The following TBC1D8 variants were observed in gnomAD, a reference collection of about 807,000 sequenced individuals.
The protein encoded by TBC1D8 is TBC1 domain family member 8, also known as BUB2-like protein 1.
Under a neutral mutation model 118.8 loss-of-function variants are expected in TBC1D8, and 65 were observed. The ratio of observed to expected loss-of-function variants is 0.55; its 90% CI spans 0.45 to 0.67. TBC1D8 has a LOEUF of 0.67. TBC1D8 is among the 30% of genes least tolerant of loss of function. The pLI, the probability that TBC1D8 is intolerant of heterozygous loss-of-function variation, is 0.00. For missense variants in TBC1D8, 1,376 were observed against 1,471.2 expected, an observed-to-expected ratio of 0.94 and a Z score of 1.06; for synonymous variants, 566 against 595.8, an observed-to-expected ratio of 0.95 and a Z score of 0.73.
chr2:101,146,451 A>T (rs1679320870), intron 1 of TBC1D8, among the ~76,000 whole-genome samples: 1 of 152,244 alleles, frequency 6.6e-6, no homozygotes, highest in Non-Finnish European at 1.5e-5. Context: ...TTAAATTGTC[A>T]GCCAATTTAA....
chr2:101,063,361 C>T (rs1682858501), intron 2 of TBC1D8, among the ~76,000 whole-genome samples: 1 of 152,204 alleles, frequency 6.6e-6, no homozygotes, highest in African/African-American at 2.4e-5. Context: ...AACAAACCCA[C>T]ACCTTAAAAG....
At chr2:101,121,290 T>C (rs1678089473) in intron 1 of TBC1D8, among the ~76,000 whole-genome samples, 1 of 152,236 alleles carries the variant, frequency 6.6e-6, no homozygotes, top group African/African-American at 2.4e-5. Flanking sequence ...CCTCCCATCA[T>C]TAACTAACAC....
rs118180154 is a variant in TBC1D8 at position 101,097,631 on chromosome 2, T to C, written c.128-7267A>G. On this transcript the variant is annotated intron_variant, in intron 1 of 19. Transcript: ENST00000409318. ...CTGTAATCCCAGCACTTTGGGAATA[T>C]CACTTGAGGCCAAGAATTTGAGACC... is the stretch of plus-strand genomic sequence containing the variant. Among the ~76,000 whole-genome samples the C allele has an allele frequency of 3.9e-4, 59 of 152,160 alleles. 2 individuals carry two copies. In the East Asian group the frequency reaches 0.011, roughly 29 times the overall value.
chr2:101,032,316 C>A lies in TBC1D8; in HGVS notation c.1888G>T (p.Ala630Ser), dbSNP rs758313344. 3 of 1,613,902 alleles carry A rather than the reference C, an allele frequency of 1.9e-6. No individual in the cohort carries two copies. In the East Asian group the frequency reaches 6.7e-5, roughly 36 times the overall value. The change falls in exon 11 of 20, where the codon GCT (alanine) becomes TCT (serine). Residue 630 changes from alanine to serine, a missense_variant. Transcript: ENST00000409318. ...KEEEAFWLLV[A>S]VCERMLPDYF... ...TCGGGCAGCATCCGCTCACACACAGCAACCAACAGCCAGAAGGCTTCCTCC... is the reference window on the plus strand; with the variant it reads ...TCGGGCAGCATCCGCTCACACACAGAAACCAACAGCCAGAAGGCTTCCTCC...
At chr2:101,079,418 C>A (rs1324575105) in intron 2 of TBC1D8, among the ~76,000 whole-genome samples, 1 of 152,160 alleles carries the variant, frequency 6.6e-6, no homozygotes, top group African/African-American at 2.4e-5. Context: ...ACGGTTTCAT[C>A]TGTCACTCAG....
rs553564651 is a variant in TBC1D8 at position 101,126,057 on chromosome 2, G to C, written c.127+25070C>G. 4.6e-5 allele frequency among the ~76,000 whole-genome samples: 7 copies of C among 152,258 alleles called. No individual in the cohort carries two copies. The East Asian group carries it at 7.7e-4, about 17-fold the overall frequency. ...TATTTGGCTCACAGGTCTGCAGGCT[G>C]TACAAGAAGCATGGCACCAGTATCT... On this transcript the variant is annotated intron_variant, in intron 1 of 19. Transcript: ENST00000409318.
chr2:101,144,406 A>G (rs948171986), intron 1 of TBC1D8, among the ~76,000 whole-genome samples: 1 of 151,900 alleles, frequency 6.6e-6, no homozygotes, highest in African/African-American at 2.4e-5. Flanking sequence ...GGGGTGGGGG[A>G]GGAGACAGCC....
intron 1 of TBC1D8, among the ~76,000 whole-genome samples, chr2:101,118,343 A>T (rs553740188): frequency 6.6e-6 from 1 of 152,332 alleles, no homozygotes; most frequent in South Asian, 2.1e-4. Flanking sequence ...ATTGGAAAAG[A>T]GCAAGTCCAA....
chr2:101,032,929 A>AG (rs1680758518), intron 10 of TBC1D8: 1 of 177,560 alleles, frequency 5.6e-6, no homozygotes, highest in African/African-American at 2.4e-5. Flanking sequence ...TCCTAAAGGA[A>AG]GGGGATTGGC....
At chr2:101,083,587 A>G (rs933136930) in intron 2 of TBC1D8, among the ~76,000 whole-genome samples, 1 of 152,216 alleles carries the variant, frequency 6.6e-6, no homozygotes. Flanking sequence ...ATAATAATGT[A>G]GTTCACCCAT....
intron 5 of TBC1D8, among the ~76,000 whole-genome samples, chr2:101,044,236 A>G (rs1480607319): frequency 1.3e-5 from 2 of 152,230 alleles, no homozygotes; most frequent in Non-Finnish European, 2.9e-5. Context: ...CTTCCTCCCT[A>G]CTAGAAAGTT....
chr2:101,070,868 A>G (rs1355605375), intron 2 of TBC1D8, among the ~76,000 whole-genome samples: 2 of 152,210 alleles, frequency 1.3e-5, no homozygotes, highest in African/African-American at 2.4e-5. Flanking sequence ...TTATCTACAT[A>G]AGCCTAAATA....
chr2:101,109,669 A>G (rs929035571), intron 1 of TBC1D8, among the ~76,000 whole-genome samples: 7 of 152,058 alleles, frequency 4.6e-5, no homozygotes, highest in African/African-American at 1.7e-4. Context: ...TGATCCTCCC[A>G]CCACCTTTCC....
At chr2:101,021,786 G>T in intron 16 of TBC1D8, 40 bp from the exon 17 acceptor site, 1 of 1,310,706 alleles carries the variant, frequency 7.6e-7, no homozygotes, top group Non-Finnish European at 1.1e-6. Flanking sequence ...TGCCAATGCT[G>T]AAAGTCCATT....
rs190389470 is a variant in TBC1D8, at chr2:101,061,142, C to T, written c.284-1603G>A. On this transcript the variant is annotated intron_variant, in intron 2 of 19. Transcript: ENST00000409318. ...GGCGGAGATTGCAGTGAGCCGAGATCACGCCATTGCAATCCAGCCTGGGTG... is the reference window on the plus strand; with the variant it reads ...GGCGGAGATTGCAGTGAGCCGAGATTACGCCATTGCAATCCAGCCTGGGTG... Among the ~76,000 whole-genome samples the T allele has an allele frequency of 1.7e-3, 236 of 137,768 alleles. 3 individuals are homozygous for T. The highest frequency in any genetic ancestry group is 4.5e-3 in the East Asian group (21 of 4,654). The allele number at this position is 137,768 out of a possible 152,430, so 90.4% of individuals were successfully genotyped here.
At chr2:101,110,323 G>A (rs1677513428) in intron 1 of TBC1D8, among the ~76,000 whole-genome samples, 1 of 152,112 alleles carries the variant, frequency 6.6e-6, no homozygotes, top group South Asian at 2.1e-4. Context: ...AGGCAGTGGT[G>A]GCAGAGTGCT....
intron 15 of TBC1D8, chr2:101,024,050 A>G (rs1047682220): frequency 6.6e-6 from 1 of 152,382 alleles, no homozygotes; most frequent in Admixed American, 6.5e-5. Flanking sequence ...TACACCATGA[A>G]TTTCTATGTA....
At chr2:101,080,752 G>A (rs570958408) in intron 2 of TBC1D8, among the ~76,000 whole-genome samples, 1 of 151,796 alleles carries the variant, frequency 6.6e-6, no homozygotes, top group African/African-American at 2.4e-5. Context: ...GGGAAGGATT[G>A]TTTAAACTGG....
chr2:101,117,606 C>T (rs887382745), intron 1 of TBC1D8, among the ~76,000 whole-genome samples: 1 of 142,290 alleles, frequency 7.0e-6, no homozygotes, highest in Non-Finnish European at 1.5e-5. Context: ...CAGAGTCTCG[C>T]TCTGTCGCCC....
Sources: allele counts gnomAD v4.1 joint callset (sites outside exome capture counted in the v4.1 genomes callset), GRCh38; gene constraint gnomAD v4.1.1; transcripts MANE v1.5; gene names NCBI Gene and HGNC (gene_info 2026-07-23, HGNC 2026-07-21).